Variants in CFAP77 observed in about 807,000 individuals in gnomAD.
CFAP77 encodes the protein cilia- and flagella-associated protein 77.
In CFAP77, 25 loss-of-function variants were observed where a neutral mutation model predicts 31.1. The ratio of observed to expected loss-of-function variants is 0.80; its 90% CI spans 0.59 to 1.12. The LOEUF is 1.12. Among genes scored for constraint, CFAP77 ranks in the 50% most tolerant of loss-of-function variants. The probability of loss-of-function intolerance (pLI) is 0.00; values close to 1 mark genes in which losing one functional copy is unlikely to be tolerated. For missense variants in CFAP77, 377 were observed against 397.3 expected, an observed-to-expected ratio of 0.95 and a Z score of 0.44; for synonymous variants, 151 against 159.9, an observed-to-expected ratio of 0.94 and a Z score of 0.42.
intron 5 of CFAP77, among the ~76,000 whole-genome samples, chr9:132,567,957 AC>A (rs1270476496): frequency 6.6e-6 from 1 of 151,834 alleles, no homozygotes; most frequent in African/African-American, 2.4e-5. Flanking sequence ...ATCTGCAAAG[AC>A]CCTGTTTCCA....
At chr9:132,417,383 G>A (rs1850123727) in intron 1 of CFAP77, among the ~76,000 whole-genome samples, 1 of 152,208 alleles carries the variant, frequency 6.6e-6, no homozygotes, top group East Asian at 1.9e-4. Context: ...AAATTGCTGG[G>A]ATTACAGGCG....
chr9:132,535,711 CAATA>C (rs34927880), intron 3 of CFAP77, among the ~76,000 whole-genome samples: 30,289 of 147,892 alleles, frequency 0.2, 4,412 homozygotes, highest in East Asian at 0.44. Flanking sequence ...GACTCCACCT[CAATA>C]AATAAATAAA....
At chr9:132,524,755 T>G (rs1852326802) in intron 3 of CFAP77, among the ~76,000 whole-genome samples, 1 of 151,540 alleles carries the variant, frequency 6.6e-6, no homozygotes, top group Non-Finnish European at 1.5e-5. Flanking sequence ...TTCACACCAT[T>G]CTCCTGCGTC....
intron 1 of CFAP77, among the ~76,000 whole-genome samples, chr9:132,422,932 G>A (rs889290054): frequency 6.6e-6 from 1 of 152,338 alleles, no homozygotes; most frequent in African/African-American, 2.4e-5. Flanking sequence ...TTCCAGGCTG[G>A]TTTAGGGTTA....
At chr9:132,459,809 ATG>A (rs1322399583) in intron 1 of CFAP77, among the ~76,000 whole-genome samples, 2 of 146,704 alleles carry the variant, frequency 1.4e-5, no homozygotes, top group South Asian at 2.2e-4. Context: ...CGATGTGTGT[ATG>A]TGTGTGTATG....
chr9:132,425,765 C>G (rs1850303264), intron 1 of CFAP77, among the ~76,000 whole-genome samples: 1 of 152,180 alleles, frequency 6.6e-6, no homozygotes, highest in African/African-American at 2.4e-5. Flanking sequence ...GGGTACAGAT[C>G]TAATGAAAGG....
At chr9:132,516,591 A>G (rs1423473699) in intron 3 of CFAP77, among the ~76,000 whole-genome samples, 1 of 35,854 alleles carries the variant, frequency 2.8e-5, no homozygotes, top group South Asian at 6.0e-4. Context: ...ACACAGAAAT[A>G]CACACACACA....
intron 1 of CFAP77, among the ~76,000 whole-genome samples, chr9:132,491,572 A>G (rs1851654409): frequency 6.6e-6 from 1 of 152,228 alleles, no homozygotes; most frequent in South Asian, 2.1e-4. Flanking sequence ...GTTTGTTTTT[A>G]CCTGCACAGT....
chr9:132,464,854 G>T (rs1405587163), intron 1 of CFAP77, among the ~76,000 whole-genome samples: 1 of 152,104 alleles, frequency 6.6e-6, no homozygotes, highest in Non-Finnish European at 1.5e-5. Context: ...CACTTTGGGA[G>T]GCTGAGGCGG....
intron 1 of CFAP77, among the ~76,000 whole-genome samples, chr9:132,461,039 T>A (rs1195308376): frequency 6.6e-6 from 1 of 152,140 alleles, no homozygotes; most frequent in Non-Finnish European, 1.5e-5. Context: ...AGGGTCAATT[T>A]TATACTACGT....
At chr9:132,515,163 A>AG (rs1852124662) in intron 3 of CFAP77, among the ~76,000 whole-genome samples, 1 of 152,226 alleles carries the variant, frequency 6.6e-6, no homozygotes, top group African/African-American at 2.4e-5. Context: ...CCAGGCCCAG[A>AG]AAGCCAGAAT....
At chr9:132,418,441 C>T (rs781476489) in intron 1 of CFAP77, among the ~76,000 whole-genome samples, 3 of 152,200 alleles carry the variant, frequency 2.0e-5, no homozygotes, top group Admixed American at 6.5e-5. Flanking sequence ...ATCCTTCACC[C>T]GTGGTTCATG....
chr9:132,519,622 G>C (rs1589902728), intron 3 of CFAP77, among the ~76,000 whole-genome samples: 1 of 133,768 alleles, frequency 7.5e-6, no homozygotes, highest in Non-Finnish European at 1.6e-5. Context: ...ATGGATGGTT[G>C]GGTGGGTAGG....
At chr9:132,479,314 C>T (rs1411039943) in intron 1 of CFAP77, among the ~76,000 whole-genome samples, 1 of 152,148 alleles carries the variant, frequency 6.6e-6, no homozygotes, top group Non-Finnish European at 1.5e-5. Context: ...TCAGGGAGCT[C>T]AGACCTTTTC....
intron 5 of CFAP77, among the ~76,000 whole-genome samples, chr9:132,553,153 G>A (rs1169304658): frequency 1.3e-5 from 2 of 151,890 alleles, no homozygotes; most frequent in Non-Finnish European, 2.9e-5. Context: ...TCACTTGCTG[G>A]AGAGAGAGAG....
At chr9:132,484,876 T>A (rs151030634) in intron 1 of CFAP77, among the ~76,000 whole-genome samples, 1,523 of 151,034 alleles carry the variant, frequency 0.01, 17 homozygotes, top group Middle Eastern at 0.024. Flanking sequence ...TTAGATGGAG[T>A]CTTGCTCTGT....
At position 132,554,992 on chromosome 9, in the gene CFAP77, A is replaced by G. The variant is rs1852878551; in HGVS notation, c.732+11945A>G. Among the ~76,000 whole-genome samples the G allele has an allele frequency of 6.9e-6, 1 of 144,424 alleles. No individual in the cohort carries two copies. Among genetic ancestry groups the G allele is most frequent in the East Asian group, 2.1e-4 (1 of 4,790 alleles). The allele number at this position is 144,424 out of a possible 152,430, so 94.7% of individuals were successfully genotyped here. A position where few individuals can be genotyped will look rare whatever the true frequency, so the allele number is the denominator to read the frequency against. On this transcript the variant is annotated intron_variant, in intron 5 of 5. Coordinates refer to ENST00000393216, the MANE Select transcript of CFAP77 (RefSeq NM_001282957.2). This position sits in a 1 kb window ranked among gnomAD's most constrained non-coding sequence, Gnocchi z 4.1. ...TCCATCCATCCATCCATCCATCCTCAGCCATCTGTCCATCTGTTTGTTCAT... is the reference window on the plus strand; with the variant it reads ...TCCATCCATCCATCCATCCATCCTCGGCCATCTGTCCATCTGTTTGTTCAT...
intron 1 of CFAP77, among the ~76,000 whole-genome samples, chr9:132,447,689 G>T (rs1012502618): frequency 7.2e-5 from 11 of 152,324 alleles, no homozygotes; most frequent in South Asian, 6.2e-4. Context: ...TGCTGACAGC[G>T]GCAAACGCGG....
chr9:132,500,372 G>A (rs143079141), intron 3 of CFAP77, among the ~76,000 whole-genome samples: 17 of 152,232 alleles, frequency 1.1e-4, no homozygotes, highest in Admixed American at 6.5e-4. Context: ...ACCGTATGCC[G>A]AGGTTTCAGT....
Sources: gnomAD v4.1 joint callset for allele counts (sites outside exome capture counted in the v4.1 genomes callset) on GRCh38, gnomAD v4.1.1 for gene constraint, Gnocchi (gnomAD v3.1) non-coding constraint, MANE v1.5 for transcripts, NCBI Gene and HGNC (gene_info 2026-07-23, HGNC 2026-07-21) for gene names.